CDH18: variants seen among roughly 807,000 people sequenced by gnomAD.
CDH18 encodes cadherin 18, also known as cadherin-18.
A neutral mutation model predicts 67.9 loss-of-function variants in CDH18; 31 were observed. The ratio of observed to expected loss-of-function variants is 0.46; its 90% CI spans 0.34 to 0.62. The LOEUF (loss-of-function observed/expected upper bound fraction) is 0.62. Among genes scored for constraint, CDH18 ranks in the 20% least tolerant of loss-of-function variants. The pLI is 0.01. For missense variants in CDH18, 890 were observed against 975.5 expected (o/e 0.91, Z 1.17); for synonymous variants, 362 against 347.2 (o/e 1.04, Z -0.48).
chr5:19,898,623 T>C (rs1789606517), intron 2 of CDH18, among the ~76,000 whole-genome samples: 1 of 52,858 alleles, frequency 1.9e-5, no homozygotes, highest in Admixed American at 1.9e-4. Context: ...CTTAATTATA[T>C]ATGGAAAATA....
rs547896819 is a variant in CDH18 at position 19,490,325 on chromosome 5, G to A, written c.1631-6773C>T. Among the ~76,000 whole-genome samples the A allele has an allele frequency of 4.0e-4, 58 of 146,230 alleles. 1 individual carries two copies. In the East Asian group the frequency reaches 0.011, roughly 29 times the overall value. On this transcript the variant is annotated intron_variant, in intron 11 of 12. Transcript: ENST00000382275. ...AATGGAACCTACTTTTTCACAAAAG[G>A]AAAGCAAGTGACATGCAATGATAAA...
chr5:20,208,517 T>C (rs10473344), intron 2 of CDH18, among the ~76,000 whole-genome samples: 71,058 of 151,742 alleles, frequency 0.47, 17,552 homozygotes, highest in Middle Eastern at 0.64. Context: ...TGGATTACCA[T>C]CTGCAAAACA....
intron 1 of CDH18, among the ~76,000 whole-genome samples, chr5:20,481,136 G>A (rs527606732): frequency 1.1e-4 from 17 of 151,370 alleles, no homozygotes; most frequent in Middle Eastern, 3.4e-3. Context: ...AAAATAAAGG[G>A]CTGAAAACAG....
chr5:19,496,693 T>TA (rs1742383716), intron 11 of CDH18, among the ~76,000 whole-genome samples: 2 of 150,874 alleles, frequency 1.3e-5, no homozygotes, highest in African/African-American at 4.9e-5. Context: ...GTGCCTGTAG[T>TA]CCCAGATACT....
chr5:20,264,162 T>C (rs1744862542), intron 1 of CDH18, among the ~76,000 whole-genome samples: 1 of 152,088 alleles, frequency 6.6e-6, no homozygotes, highest in Non-Finnish European at 1.5e-5. Flanking sequence ...ACCTAGTTAG[T>C]GCTAACTACA....
chr5:19,750,611 A>C (rs2149666669), intron 3 of CDH18, among the ~76,000 whole-genome samples: 1 of 152,216 alleles, frequency 6.6e-6, no homozygotes, highest in Non-Finnish European at 1.5e-5. Context: ...CCATATATAG[A>C]CATGGTAGTG....
intron 2 of CDH18, among the ~76,000 whole-genome samples, chr5:19,916,013 C>A (rs1791744088): frequency 6.6e-6 from 1 of 152,120 alleles, no homozygotes. Flanking sequence ...TTGCTCCAGC[C>A]ATTATTGAAG....
chr5:20,409,725 T>TG (rs1746602535), intron 1 of CDH18, among the ~76,000 whole-genome samples: 1 of 150,978 alleles, frequency 6.6e-6, no homozygotes, highest in African/African-American at 2.4e-5. Context: ...GTTAATATTT[T>TG]GAAAAAAAAG....
intron 2 of CDH18, among the ~76,000 whole-genome samples, chr5:20,091,958 T>G (rs926966879): frequency 6.6e-6 from 1 of 152,276 alleles, no homozygotes; most frequent in South Asian, 2.1e-4. Flanking sequence ...TTGTTTTGAT[T>G]TTTTCATGCC....
intron 3 of CDH18, among the ~76,000 whole-genome samples, chr5:19,778,900 G>T (rs955571917): frequency 6.6e-6 from 1 of 151,980 alleles, no homozygotes; most frequent in East Asian, 1.9e-4. Context: ...CATGTATTAT[G>T]CTCAGATACC....
chr5:20,033,790 A>G (rs1165154703), intron 2 of CDH18, among the ~76,000 whole-genome samples: 1 of 152,092 alleles, frequency 6.6e-6, no homozygotes, highest in Non-Finnish European at 1.5e-5. Flanking sequence ...TACAATAAAA[A>G]TACAGTAGTT....
At chr5:19,815,866 T>C (rs1779236448) in intron 3 of CDH18, among the ~76,000 whole-genome samples, 1 of 150,340 alleles carries the variant, frequency 6.7e-6, no homozygotes, top group Admixed American at 6.6e-5. Flanking sequence ...TTTTGTTTAA[T>C]AAAGAAATCT....
intron 1 of CDH18, among the ~76,000 whole-genome samples, chr5:20,561,854 A>G (rs1338330852): frequency 2.0e-5 from 3 of 151,864 alleles, no homozygotes; most frequent in Non-Finnish European, 4.4e-5. Flanking sequence ...TCACCTCGTA[A>G]TGTCTTCATT....
chr5:19,477,139 T>A (rs923582798), intron 12 of CDH18, among the ~76,000 whole-genome samples: 1 of 148,000 alleles, frequency 6.8e-6, no homozygotes, highest in Non-Finnish European at 1.5e-5. Flanking sequence ...GATATATATA[T>A]ATATTTATAT....
chr5:19,983,706 C>T (rs1027759136), intron 1 of CDH18, among the ~76,000 whole-genome samples: 4 of 152,104 alleles, frequency 2.6e-5, no homozygotes, highest in African/African-American at 9.7e-5. Flanking sequence ...CCTCTTACAC[C>T]TGCTCCTACA....
rs371122876 is a variant in CDH18 at position 20,434,550 on chromosome 5, T to C, written c.-580+140912A>G. ...TAAAGCCAGTAGCCAGAATGTTACC[T>C]GAAACATAGAAGATTTAAAAAAAAT... On this transcript the variant is annotated intron_variant, in intron 1 of 14. Coordinates refer to the CDH18 transcript ENST00000507958. Among the ~76,000 whole-genome samples the C allele has an allele frequency of 1.9e-4, 29 of 152,120 alleles. No individual in the cohort carries two copies. In the East Asian group the frequency reaches 2.3e-3, roughly 12 times the overall value.
chr5:19,657,822 G>C (rs537826076), intron 5 of CDH18, among the ~76,000 whole-genome samples: 2 of 152,130 alleles, frequency 1.3e-5, no homozygotes, highest in Non-Finnish European at 2.9e-5. Context: ...GTGAGGAATA[G>C]TAATTTCCCC....
At chr5:20,264,310 C>CA (rs914816762) in intron 1 of CDH18, among the ~76,000 whole-genome samples, 5 of 151,884 alleles carry the variant, frequency 3.3e-5, no homozygotes, top group Admixed American at 3.3e-4. Context: ...GAATCTTAAT[C>CA]AAAAAATGCT....
intron 2 of CDH18, among the ~76,000 whole-genome samples, chr5:20,062,765 C>A (rs901066617): frequency 6.6e-6 from 1 of 152,084 alleles, no homozygotes; most frequent in Non-Finnish European, 1.5e-5. Flanking sequence ...GACACATCTA[C>A]ACATCAAAAA....
Sources: allele counts gnomAD v4.1 joint callset (sites outside exome capture counted in the v4.1 genomes callset), GRCh38; gene constraint gnomAD v4.1.1; transcripts MANE v1.5; gene names NCBI Gene and HGNC (gene_info 2026-07-23, HGNC 2026-07-21).